Variants in VPS37A observed in about 807,000 individuals in gnomAD.
VPS37A encodes the protein VPS37A subunit of ESCRT-I, also known as vacuolar protein sorting-associated protein 37A.
Under a neutral mutation model 49.8 loss-of-function variants are expected in VPS37A, and 30 were observed. The ratio of observed to expected loss-of-function variants is 0.60; its 90% CI spans 0.45 to 0.82. VPS37A has a LOEUF of 0.82. VPS37A is among the 40% of genes least tolerant of loss of function. The pLI, the probability that VPS37A is intolerant of heterozygous loss-of-function variation, is 0.00. For missense variants in VPS37A, 593 were observed against 464.4 expected (o/e 1.28, Z -2.55); for synonymous variants, 195 against 160.6 (o/e 1.21, Z -1.62).
chr8:17,330,129 G>A, the VPS37A span, among the ~76,000 whole-genome samples: 2 of 152,344 alleles, frequency 1.3e-5, no homozygotes, highest in African/African-American at 2.4e-5. Flanking sequence ...ATGGAAATTA[G>A]GCCTGTTTGT....
At chr8:17,330,559 C>T in the VPS37A span, among the ~76,000 whole-genome samples, 2 of 152,216 alleles carry the variant, frequency 1.3e-5, no homozygotes, top group Admixed American at 6.5e-5. Context: ...ATGAATAACT[C>T]TTCTCTATTA....
the VPS37A span, among the ~76,000 whole-genome samples, chr8:17,316,611 A>C: frequency 2.0e-5 from 3 of 152,108 alleles, no homozygotes; most frequent in Non-Finnish European, 2.9e-5. Context: ...CGGGTTCCAC[A>C]TCCTTGGAGT....
the VPS37A span, among the ~76,000 whole-genome samples, chr8:17,328,790 G>A: frequency 1.3e-5 from 2 of 152,160 alleles, no homozygotes; most frequent in Admixed American, 1.3e-4. Context: ...TTATCAAAAG[G>A]GAAACTATCG....
intron 1 of VPS37A, among the ~76,000 whole-genome samples, chr8:17,254,617 T>C (rs924303477): frequency 6.6e-6 from 1 of 152,184 alleles, no homozygotes; most frequent in East Asian, 1.9e-4. Flanking sequence ...TTTCCTTGTT[T>C]ACTTTCTTTT....
At chr8:17,253,532 T>C (rs900099033) in intron 1 of VPS37A, among the ~76,000 whole-genome samples, 7 of 152,256 alleles carry the variant, frequency 4.6e-5, no homozygotes, top group Non-Finnish European at 7.3e-5. Context: ...GCAAAGGCTA[T>C]GGAGACTTTT....
At chr8:17,292,804 G>C (rs1021824766) in intron 11 of VPS37A, among the ~76,000 whole-genome samples, 5 of 152,214 alleles carry the variant, frequency 3.3e-5, no homozygotes, top group African/African-American at 1.2e-4. Flanking sequence ...CTGGCTTATA[G>C]GGTTTCTGCA....
the VPS37A span, among the ~76,000 whole-genome samples, chr8:17,310,427 C>T: frequency 3.9e-5 from 6 of 152,118 alleles, no homozygotes; most frequent in African/African-American, 1.2e-4. Flanking sequence ...CTTGACAACT[C>T]GAGACATTTT....
the VPS37A span, among the ~76,000 whole-genome samples, chr8:17,332,632 C>T: frequency 6.6e-6 from 1 of 152,170 alleles, no homozygotes; most frequent in Non-Finnish European, 1.5e-5. Flanking sequence ...CCCAGCATCA[C>T]AAGAGAAGTA....
At chr8:17,264,130 T>C (rs1404627545) in intron 1 of VPS37A, among the ~76,000 whole-genome samples, 1 of 152,072 alleles carries the variant, frequency 6.6e-6, no homozygotes, top group East Asian at 1.9e-4. Context: ...TTTTAACATC[T>C]CCCTTTCCCA....
At chr8:17,279,292 G>A (rs949583043) in intron 6 of VPS37A, among the ~76,000 whole-genome samples, 1 of 152,088 alleles carries the variant, frequency 6.6e-6, no homozygotes, top group African/African-American at 2.4e-5. Context: ...TTGGAATCAT[G>A]CACTGACCTG....
chr8:17,286,265 G>A, intron 10 of VPS37A, 82 bp from the exon 11 acceptor site: 4 of 1,077,104 alleles, frequency 3.7e-6, no homozygotes, highest in Non-Finnish European at 5.4e-6. Context: ...CAAGTTAAAA[G>A]CTTCCTGTCA....
At chr8:17,292,928 G>A (rs180720912) in intron 11 of VPS37A, among the ~76,000 whole-genome samples, 9 of 152,126 alleles carry the variant, frequency 5.9e-5, no homozygotes, top group African/African-American at 1.4e-4. Context: ...TGACAATTAC[G>A]TCTTGGGTTT....
In VPS37A at chr8:17,284,634, G is replaced by C; in HGVS notation, c.1113+18G>C. On this transcript the variant is annotated intron_variant, in intron 10 of 11. Transcript: ENST00000324849. ...AGAGAACAGTATGTAATACTCGTCA[G>C]TTGAGGACAAGTATTGGATAAAGTT... 1.3e-6 allele frequency: 2 copies of C among 1,572,142 alleles called. No homozygotes were observed. Among genetic ancestry groups the C allele is most frequent in the Non-Finnish European group, 1.7e-6 (2 of 1,165,714 alleles).
intron 1 of VPS37A, among the ~76,000 whole-genome samples, chr8:17,256,907 C>T (rs1812519899): frequency 6.6e-6 from 1 of 152,090 alleles, no homozygotes; most frequent in Non-Finnish European, 1.5e-5. Context: ...CTGCCTTGGC[C>T]TCACTGTGTA....
At chr8:17,251,178 CT>C in intron 1 of VPS37A, among the ~76,000 whole-genome samples, 1 of 152,282 alleles carries the variant, frequency 6.6e-6, no homozygotes, top group Non-Finnish European at 1.5e-5. Flanking sequence ...TCTCATCACC[CT>C]TCCCCCCAAG....
chr8:17,288,616 A>G (rs879062036), intron 11 of VPS37A, among the ~76,000 whole-genome samples: 1 of 152,084 alleles, frequency 6.6e-6, no homozygotes, highest in Non-Finnish European at 1.5e-5. Flanking sequence ...TATCCATTCT[A>G]TCATTGATGA....
rs1011275826 is a variant in VPS37A at position 17,297,436 on chromosome 8, GTAAAC to G, written c.*2454_*2458del. 6.6e-6 allele frequency: 1 copy of G among 151,622 alleles called. No individual in the cohort carries two copies. Among genetic ancestry groups the G allele is most frequent in the Non-Finnish European group, 1.5e-5 (1 of 67,720 alleles). The allele number at this position is 151,622 out of a possible 1,614,324, so 9.4% of individuals were successfully genotyped here. Reference sequence around the variant, plus strand: ...TCAGATTCATTTTTAGGAGAAGAAAGTAAACTAATGTGCTCTTAAAGAATAAAAAT... The same window carrying G: ...TCAGATTCATTTTTAGGAGAAGAAAGTAATGTGCTCTTAAAGAATAAAAAT... On this transcript the variant is annotated 3_prime_UTR_variant, in exon 12 of 12. Transcript: ENST00000324849.
chr8:17,261,233 C>T (rs949700841), intron 1 of VPS37A, among the ~76,000 whole-genome samples: 8 of 152,112 alleles, frequency 5.3e-5, no homozygotes, highest in African/African-American at 1.2e-4. Context: ...ATTGTTTCTT[C>T]TGCCTGATCC....
the VPS37A span, among the ~76,000 whole-genome samples, chr8:17,311,206 T>G: frequency 6.6e-6 from 1 of 152,246 alleles, no homozygotes; most frequent in African/African-American, 2.4e-5. Context: ...GAAATACTTA[T>G]GAGCAAATGA....
Sources: allele counts gnomAD v4.1 joint callset (sites outside exome capture counted in the v4.1 genomes callset), GRCh38; gene constraint gnomAD v4.1.1; transcripts MANE v1.5; gene names NCBI Gene and HGNC (gene_info 2026-07-23, HGNC 2026-07-21).